STXBP5L: variants seen among roughly 807,000 people sequenced by gnomAD.
STXBP5L encodes the protein syntaxin-binding protein 5-like.
Under a neutral mutation model 144.5 loss-of-function variants are expected in STXBP5L, and 65 were observed. The observed-to-expected ratio is 0.45, with a 90% confidence interval of 0.37 to 0.55. STXBP5L has a LOEUF of 0.55. Among genes scored for constraint, STXBP5L ranks in the 20% least tolerant of loss-of-function variants. The pLI is 0.00. For missense variants in STXBP5L, 1,298 were observed against 1,405.5 expected (o/e 0.92, Z 1.22); for synonymous variants, 505 against 469.6 (o/e 1.08, Z -0.97).
chr3:121,134,156 G>A (rs2045130810), intron 7 of STXBP5L, among the ~76,000 whole-genome samples: 1 of 152,120 alleles, frequency 6.6e-6, no homozygotes, highest in Non-Finnish European at 1.5e-5. Flanking sequence ...GAAGGCATTT[G>A]GTGAGAACCT....
At chr3:121,083,184 C>T (rs532211319) in intron 5 of STXBP5L, among the ~76,000 whole-genome samples, 3 of 151,772 alleles carry the variant, frequency 2.0e-5, no homozygotes. Flanking sequence ...GGCAACAGAG[C>T]AAGACTCTGT....
At chr3:121,093,554 T>G (rs2107745556) in intron 5 of STXBP5L, among the ~76,000 whole-genome samples, 1 of 152,378 alleles carries the variant, frequency 6.6e-6, no homozygotes, top group African/African-American at 2.4e-5. Flanking sequence ...TCTAGTTTAT[T>G]TGCGTAGAGC....
At chr3:121,050,837 C>G (rs1310429418) in intron 5 of STXBP5L, among the ~76,000 whole-genome samples, 2 of 152,064 alleles carry the variant, frequency 1.3e-5, no homozygotes, top group Non-Finnish European at 2.9e-5. Context: ...ATTCAGGAAA[C>G]CCATCTCATG....
chr3:121,083,990 C>T (rs2042372938), intron 5 of STXBP5L, among the ~76,000 whole-genome samples: 1 of 151,922 alleles, frequency 6.6e-6, no homozygotes, highest in African/African-American at 2.4e-5. Context: ...AAAAAATCTC[C>T]TACTAGAGAT....
At chr3:121,198,332 G>GT (rs900034082) in intron 9 of STXBP5L, among the ~76,000 whole-genome samples, 48 of 149,564 alleles carry the variant, frequency 3.2e-4, no homozygotes, top group South Asian at 1.1e-3. Context: ...CTTTTTGATG[G>GT]TTTTTTTTTC....
At chr3:120,964,301 C>A (rs1238744683) in intron 3 of STXBP5L, among the ~76,000 whole-genome samples, 1 of 152,048 alleles carries the variant, frequency 6.6e-6, no homozygotes, top group Non-Finnish European at 1.5e-5. Context: ...TTAGTTATTT[C>A]TTGCCTTCTG....
intron 2 of STXBP5L, among the ~76,000 whole-genome samples, chr3:120,949,451 T>C (rs1411941951): frequency 6.6e-6 from 1 of 152,112 alleles, no homozygotes; most frequent in Non-Finnish European, 1.5e-5. Flanking sequence ...TTGTTTTTGT[T>C]GCATTTGCTT....
rs1240707750 is a variant in STXBP5L at position 121,235,838 on chromosome 3, CACAT to C, written c.1184+2154_1184+2157del. Among the ~76,000 whole-genome samples, 7 of 138,866 alleles carry C rather than the reference CACAT, an allele frequency of 5.0e-5. No homozygotes were observed. In the South Asian group the frequency reaches 9.8e-4, roughly 19 times the overall value. The allele number at this position is 138,866 out of a possible 152,430, so 91.1% of individuals were successfully genotyped here. A position where few individuals can be genotyped will look rare whatever the true frequency, so the allele number is the denominator to read the frequency against. On this transcript the variant is annotated intron_variant, in intron 12 of 26. Coordinates refer to ENST00000471454, the MANE Select transcript of STXBP5L (RefSeq NM_001308330.2). Reference sequence around the variant, plus strand: ...CAGAACACACACACACACACACACACACATACACACACACACACACACACACTAT... The same window carrying C: ...CAGAACACACACACACACACACACACACACACACACACACACACACACTAT...
At chr3:121,322,918 G>T (rs1368094411) in intron 20 of STXBP5L, among the ~76,000 whole-genome samples, 1 of 152,078 alleles carries the variant, frequency 6.6e-6, no homozygotes, top group Admixed American at 6.6e-5. Flanking sequence ...TCTCAGTGTG[G>T]TTTTGATTTG....
intron 2 of STXBP5L, among the ~76,000 whole-genome samples, chr3:120,941,182 G>A (rs1242612505): frequency 1.3e-5 from 2 of 151,674 alleles, no homozygotes; most frequent in African/African-American, 4.8e-5. Flanking sequence ...ATAAAAATAA[G>A]TAGTATTTTG....
At chr3:121,339,144 G>C (rs2044616674) in intron 20 of STXBP5L, among the ~76,000 whole-genome samples, 1 of 152,064 alleles carries the variant, frequency 6.6e-6, no homozygotes, top group South Asian at 2.1e-4. Flanking sequence ...CAATATTCCT[G>C]ATTAACATAG....
At chr3:121,192,096 T>TA (rs1321189471) in intron 9 of STXBP5L, among the ~76,000 whole-genome samples, 17 of 151,822 alleles carry the variant, frequency 1.1e-4, no homozygotes, top group Middle Eastern at 3.4e-3. Context: ...AAAGTATAAT[T>TA]AAAAAAAGCT....
At chr3:120,992,108 A>G (rs1942950285) in intron 3 of STXBP5L, among the ~76,000 whole-genome samples, 1 of 152,150 alleles carries the variant, frequency 6.6e-6, no homozygotes, top group Non-Finnish European at 1.5e-5. Flanking sequence ...ATCACTAAAG[A>G]AAATCTATGT....
At chr3:121,109,023 A>T (rs2043850319) in intron 5 of STXBP5L, among the ~76,000 whole-genome samples, 1 of 152,024 alleles carries the variant, frequency 6.6e-6, no homozygotes, top group South Asian at 2.1e-4. Flanking sequence ...AATTAGTGCA[A>T]ATAAACTAAT....
intron 3 of STXBP5L, among the ~76,000 whole-genome samples, chr3:121,019,574 G>C (rs916383895): frequency 2.0e-5 from 3 of 152,172 alleles, no homozygotes; most frequent in African/African-American, 7.2e-5. Context: ...TTAGAGACCT[G>C]ATAATGGATC....
chr3:121,305,097 A>T (rs745624338), intron 19 of STXBP5L, among the ~76,000 whole-genome samples: 1 of 152,050 alleles, frequency 6.6e-6, no homozygotes, highest in Non-Finnish European at 1.5e-5. Flanking sequence ...GAAAGACAAA[A>T]CTCACCAAAT....
At chr3:121,258,404 G>A (rs2050277503) in intron 17 of STXBP5L, among the ~76,000 whole-genome samples, 1 of 152,150 alleles carries the variant, frequency 6.6e-6, no homozygotes, top group Non-Finnish European at 1.5e-5. Context: ...GCAATTAGCA[G>A]ATGCTATACT....
chr3:121,015,219 G>C (rs1281204358), intron 3 of STXBP5L, among the ~76,000 whole-genome samples: 1 of 152,078 alleles, frequency 6.6e-6, no homozygotes, highest in Non-Finnish European at 1.5e-5. Flanking sequence ...GACCCAGCTA[G>C]GGATTAATAT....
intron 5 of STXBP5L, among the ~76,000 whole-genome samples, chr3:121,051,339 A>T (rs1242263931): frequency 6.6e-6 from 1 of 152,196 alleles, no homozygotes; most frequent in Non-Finnish European, 1.5e-5. Context: ...GTTGGAAGTA[A>T]AGCTCTCCTC....
Sources: allele counts gnomAD v4.1 joint callset (sites outside exome capture counted in the v4.1 genomes callset), GRCh38; gene constraint gnomAD v4.1.1; transcripts MANE v1.5; gene names NCBI Gene and HGNC (gene_info 2026-07-23, HGNC 2026-07-21).